The following ZNF529 variants were observed in gnomAD, a reference collection of about 807,000 sequenced individuals.
ZNF529 encodes the protein zinc finger protein 529.
In ZNF529, 11 loss-of-function variants were observed where a neutral mutation model predicts 10.1. The observed-to-expected ratio is 1.09, with a 90% CI of 0.69 to 1.81. The LOEUF (loss-of-function observed/expected upper bound fraction) is 1.81. Among genes scored for constraint, ZNF529 ranks in the 40% most tolerant of loss-of-function variants. ZNF529 has a pLI of 0.00. For synonymous variants in ZNF529, 204 were observed against 215.7 expected, an observed-to-expected ratio of 0.95 and a Z score of 0.47; for missense variants, 624 against 666.8, an observed-to-expected ratio of 0.94 and a Z score of 0.71.
chr19:36,585,538 A>G (rs1291949681), intron 2 of ZNF529, among the ~76,000 whole-genome samples: 1 of 152,258 alleles, frequency 6.6e-6, no homozygotes, highest in Non-Finnish European at 1.5e-5. Flanking sequence ...AATGGAGGGA[A>G]TAAGTCTTTA....
intron 2 of ZNF529, among the ~76,000 whole-genome samples, chr19:36,578,548 C>T (rs879595032): frequency 2.6e-5 from 4 of 151,102 alleles, no homozygotes; most frequent in Non-Finnish European, 5.9e-5. Flanking sequence ...CTTGTGATCC[C>T]CCCGCCTCAG....
chr19:36,579,163 T>C (rs1390744350), intron 2 of ZNF529, among the ~76,000 whole-genome samples: 1 of 151,318 alleles, frequency 6.6e-6, no homozygotes, highest in African/African-American at 2.4e-5. Context: ...ATTGCGCCGT[T>C]GCACTCCAGC....
At chr19:36,567,353 G>A (rs1035101399) in intron 2 of ZNF529, among the ~76,000 whole-genome samples, 4 of 152,026 alleles carry the variant, frequency 2.6e-5, no homozygotes, top group African/African-American at 9.7e-5. Context: ...ACTGAAAACA[G>A]ATCAATGACC....
At chr19:36,575,559 A>G (rs918049438), upstream of ZNF529, among the ~76,000 whole-genome samples, 1 of 151,312 alleles carries the variant, frequency 6.6e-6, no homozygotes, top group Non-Finnish European at 1.5e-5. Context: ...TTGAAATACT[A>G]AAAATCACAA....
upstream of ZNF529, among the ~76,000 whole-genome samples, chr19:36,576,192 G>GA (rs201603890): frequency 6.6e-6 from 1 of 151,764 alleles, no homozygotes; most frequent in East Asian, 1.9e-4. Flanking sequence ...TTCACCTTTT[G>GA]AAAAAAAGAA....
chr19:36,590,034 G>A (rs1014741701), intron 1 of ZNF529, among the ~76,000 whole-genome samples: 1 of 152,140 alleles, frequency 6.6e-6, no homozygotes, highest in South Asian at 2.1e-4. Context: ...AAGGGAAAAC[G>A]AAAATAGTTT....
At chr19:36,584,428 CTT>C (rs1479449070) in intron 2 of ZNF529, among the ~76,000 whole-genome samples, 1 of 152,012 alleles carries the variant, frequency 6.6e-6, no homozygotes, top group African/African-American at 2.4e-5. Context: ...ATGATGATTA[CTT>C]TTTACGGAAT....
intron 2 of ZNF529, among the ~76,000 whole-genome samples, chr19:36,571,132 T>C (rs182272966): frequency 1.3e-5 from 2 of 152,364 alleles, no homozygotes; most frequent in East Asian, 1.9e-4. Context: ...TAAATGTTTT[T>C]CTATTAAACA....
At chr19:36,573,031 G>A (rs954413913) in intron 1 of ZNF529, 109 bp downstream of exon 1, 5 of 168,814 alleles carry the variant, frequency 3.0e-5, no homozygotes, top group African/African-American at 4.8e-5. Flanking sequence ...GATAGACCCC[G>A]CCCCTACTCA....
upstream of ZNF529, among the ~76,000 whole-genome samples, chr19:36,578,291 CTTTTTTTT>C (rs1159725232): frequency 2.2e-4 from 7 of 31,792 alleles, no homozygotes; most frequent in Non-Finnish European, 3.3e-4. Flanking sequence ...GTCTTGATCT[CTTTTTTTT>C]TTTTTTTTTT....
At chr19:36,575,731 G>C (rs184240083), upstream of ZNF529, among the ~76,000 whole-genome samples, 3 of 151,980 alleles carry the variant, frequency 2.0e-5, no homozygotes, top group Admixed American at 2.0e-4. Context: ...TACTAAATAG[G>C]TACTATCTCG....
chr19:36,563,143 C>G (rs184162329), intron 2 of ZNF529, among the ~76,000 whole-genome samples: 1 of 152,154 alleles, frequency 6.6e-6, no homozygotes, highest in Non-Finnish European at 1.5e-5. Context: ...CTATGGGTGC[C>G]AGGCGCGGTG....
intron 2 of ZNF529, 29 bp downstream of exon 2, chr19:36,572,304 C>G (rs776985618): frequency 3.9e-6 from 6 of 1,537,746 alleles, no homozygotes; most frequent in Admixed American, 2.0e-5. Context: ...ACCAAGGGAC[C>G]AGGTAAATGA....
intron 2 of ZNF529, chr19:36,581,298 A>G (rs1038771066): frequency 2.0e-5 from 3 of 152,216 alleles, no homozygotes; most frequent in Non-Finnish European, 4.4e-5. Flanking sequence ...AGATCTACAG[A>G]TCATTGAATA....
At chr19:36,566,160 C>CAATGTTGTTG (rs2035890885) in intron 2 of ZNF529, among the ~76,000 whole-genome samples, 2 of 152,176 alleles carry the variant, frequency 1.3e-5, no homozygotes, top group African/African-American at 2.4e-5. Context: ...GATCCTTTCA[C>CAATGTTGTTG]TAGTGGGAAA....
Position 36,548,010 on chromosome 19 carries a change from T to G in ZNF529, c.548A>C (p.Asp183Ala), listed in dbSNP as rs1474757786. The change falls in exon 5 of 5, where the codon GAC (aspartate) becomes GCC (alanine). Residue 183 changes from aspartate (D) to alanine (A), a missense_variant. By Grantham distance (126) the Asp-to-Ala change is moderately radical. Coordinates refer to ENST00000591340, the MANE Select transcript of ZNF529 (RefSeq NM_020951.5). ...YKEYEKVFSC[D>A]LEFDEYQKIH... is the part of the protein sequence containing the mutation. Reference sequence around the variant, plus strand: ...TTTCTGATATTCATCAAACTCTAAGTCACAACTGAAGACCTTCTCATATTC... The same window carrying G: ...TTTCTGATATTCATCAAACTCTAAGGCACAACTGAAGACCTTCTCATATTC... The G allele has an allele frequency of 1.2e-6, 2 of 1,613,804 alleles. No individual in the cohort carries two copies. The highest frequency in any genetic ancestry group is 2.7e-5 in the African/African-American group (2 of 75,070).
At chr19:36,556,361 T>C (rs1305209619) in intron 2 of ZNF529, among the ~76,000 whole-genome samples, 164 bp from the exon 3 acceptor site, 1 of 152,174 alleles carries the variant, frequency 6.6e-6, no homozygotes, top group African/African-American at 2.4e-5. Flanking sequence ...CCCTCCATTG[T>C]CCATTCTATC....
chr19:36,597,792 A>G (rs1040691317), intron 1 of ZNF529, among the ~76,000 whole-genome samples: 9 of 152,210 alleles, frequency 5.9e-5, no homozygotes, highest in African/African-American at 1.9e-4. Context: ...AACAACATGG[A>G]TGAATTTTAC....
intron 2 of ZNF529, chr19:36,582,276 A>AT (rs1214832651): frequency 3.3e-5 from 5 of 152,236 alleles, no homozygotes; most frequent in African/African-American, 1.2e-4. Context: ...GCTGAGCTGT[A>AT]TACTCAAATA....
Sources: gnomAD v4.1 joint callset for allele counts (sites outside exome capture counted in the v4.1 genomes callset) on GRCh38, gnomAD v4.1.1 for gene constraint, MANE v1.5 for transcripts, NCBI Gene and HGNC (gene_info 2026-07-23, HGNC 2026-07-21) for gene names.